SLC2A3: variants seen among roughly 807,000 people sequenced by gnomAD.
SLC2A3 encodes solute carrier family 2 member 3.
SLC2A3 carries 21 observed loss-of-function variants against 46.4 expected under a neutral mutation model. The observed-to-expected ratio is 0.45, with a 90% CI of 0.32 to 0.65. SLC2A3 has a LOEUF of 0.65. Ranked by LOEUF, SLC2A3 falls within the 30% of genes least tolerant of loss-of-function variation. SLC2A3 has a pLI of 0.04. For missense variants in SLC2A3, 499 were observed against 623.3 expected (o/e 0.80, Z 2.12); for synonymous variants, 213 against 239.4 (o/e 0.89, Z 1.02).
In SLC2A3 at chr12:7,928,024, T is replaced by C. The variant is rs1184470181; in HGVS notation, c.861+1660A>G. Among the ~76,000 whole-genome samples, 2 of 152,028 alleles carry C rather than the reference T, an allele frequency of 1.3e-5. 1 individual carries two copies. The highest frequency in any genetic ancestry group is 2.9e-5 in the Non-Finnish European group (2 of 68,006). ...GGGAGTCTGAGGCAGGAGAATCATT[T>C]GAACCCAGGAGATGGAGGTTGTGGT... On this transcript the variant is annotated intron_variant, in intron 6 of 9. Coordinates refer to ENST00000075120, the MANE Select transcript of SLC2A3 (RefSeq NM_006931.3).
Position 7,931,445 on chromosome 12 carries a change from C to T in SLC2A3, c.310G>A (p.Gly104Ser). The T allele has an allele frequency of 2.5e-6, 4 of 1,614,172 alleles. No homozygotes were observed. Among genetic ancestry groups the T allele is most frequent in the African/African-American group, 1.3e-5 (1 of 75,038 alleles). ...MLIVNLLAVTGGCFMGLCKVA... is the reference protein window; with the variant it reads ...MLIVNLLAVTSGCFMGLCKVA... ...TTACACAGTCCCATAAAGCAGCCAC[C>T]AGTGACAGCCAACAGGTTGACAATC... The change falls in exon 4 of 10, where the codon GGT (glycine) becomes AGT (serine). Residue 104 changes from glycine (G) to serine (S), a missense_variant. Physicochemically the swap from Gly to Ser is moderately conservative, Grantham distance 56. Coordinates refer to ENST00000075120, the MANE Select transcript of SLC2A3 (RefSeq NM_006931.3).
chr12:7,923,043 G>C lies in SLC2A3; in HGVS notation c.1069-19C>G, dbSNP rs758656724. 3.1e-6 allele frequency: 5 copies of C among 1,600,040 alleles called. No homozygotes were observed. Among genetic ancestry groups the C allele is most frequent in the Non-Finnish European group, 4.3e-6 (5 of 1,173,362 alleles). On this transcript the variant is annotated intron_variant, in intron 8 of 9. Transcript: ENST00000075120. ...AGTTATCCTGTAAGAGCAAGGAACA[G>C]AGAAAATTAAATTTAAAGACAGTGT... is the stretch of plus-strand genomic sequence containing the variant.
intron 9 of SLC2A3, 61 bp downstream of exon 9, chr12:7,922,760 T>C: frequency 7.5e-6 from 12 of 1,605,980 alleles, no homozygotes; most frequent in Non-Finnish European, 9.4e-6. Flanking sequence ...ACTGTATTAT[T>C]AAGGAGTATC....
intron 1 of SLC2A3, among the ~76,000 whole-genome samples, 167 bp downstream of exon 1, chr12:7,935,851 CAA>C (rs1475650408): frequency 1.3e-5 from 2 of 152,026 alleles, no homozygotes; most frequent in African/African-American, 4.8e-5. Context: ...GTATGACATT[CAA>C]AGAGAACTGA....
At chr12:7,932,126 C>T (rs1322740015) in intron 3 of SLC2A3, among the ~76,000 whole-genome samples, 1 of 151,502 alleles carries the variant, frequency 6.6e-6, no homozygotes, top group African/African-American at 2.4e-5. Flanking sequence ...GTTATCTGCC[C>T]GCCTCAGCCT....
At position 7,922,911 on chromosome 12, in the gene SLC2A3, G is replaced by A. The variant is rs1946053904; in HGVS notation, c.1182C>T (p.Ser394=). ...IPWFIVAELF[S]QGPRPAAMAV... The stretch of plus-strand genomic sequence containing the variant: ...CCATCGCAGCTGGGCGGGGGCCCTG[G>A]CTGAAGAGTTCGGCCACAATAAACC... The change falls in exon 9 of 10, where the codon AGC becomes AGT. Residue 394 remains serine, a synonymous_variant. Coordinates refer to ENST00000075120, the MANE Select transcript of SLC2A3 (RefSeq NM_006931.3). The A allele has an allele frequency of 1.2e-6, 2 of 1,614,166 alleles. No individual in the cohort carries two copies. The highest frequency in any genetic ancestry group is 2.7e-5 in the African/African-American group (2 of 75,050).
chr12:7,924,060 G>A (rs752610334), intron 8 of SLC2A3, among the ~76,000 whole-genome samples: 4 of 152,018 alleles, frequency 2.6e-5, no homozygotes, highest in South Asian at 2.1e-4. Context: ...GAGCCACCGC[G>A]CCCAGCTGAG....
intron 5 of SLC2A3, 118 bp from the exon 6 acceptor site, chr12:7,929,989 CTTTT>C (rs375573140): frequency 5.7e-6 from 7 of 1,230,736 alleles, no homozygotes; most frequent in African/African-American, 3.2e-5. Flanking sequence ...GCATCCATTC[CTTTT>C]TTTTTTTTTG....
intron 6 of SLC2A3, among the ~76,000 whole-genome samples, chr12:7,929,031 G>A (rs1200460213): frequency 6.6e-6 from 1 of 151,876 alleles, no homozygotes; most frequent in Non-Finnish European, 1.5e-5. Context: ...AAATATCCTG[G>A]TGTGCTAGGT....
At chr12:7,931,608 T>C in intron 3 of SLC2A3, 123 bp from the exon 4 acceptor site, 2 of 1,418,148 alleles carry the variant, frequency 1.4e-6, no homozygotes, top group Middle Eastern at 1.8e-4. Flanking sequence ...AATCTAACTT[T>C]TGTTTTTCAC....
In SLC2A3 at chr12:7,921,290, G is replaced by A. The variant is rs1422841975; in HGVS notation, c.*123C>T. ...CCTTGGGGTGCTCATGGAGTGCGTG[G>A]GATGAGAAAGGAATTAAGTAGCAGC... On this transcript the variant is annotated 3_prime_UTR_variant, in exon 10 of 10. Coordinates refer to ENST00000075120, the MANE Select transcript of SLC2A3 (RefSeq NM_006931.3). The A allele has an allele frequency of 3.2e-6, 5 of 1,558,226 alleles. No individual in the cohort carries two copies. The highest frequency in any genetic ancestry group is 4.3e-6 in the Non-Finnish European group (5 of 1,151,322).
intron 8 of SLC2A3, 153 bp from the exon 9 acceptor site, chr12:7,923,177 TTTA>T (rs1326220230): frequency 6.2e-6 from 5 of 806,872 alleles, no homozygotes; most frequent in Non-Finnish European, 9.7e-6. Context: ...TATTTTTATT[TTTA>T]TTTTTTGAGA....
chr12:7,926,321 C>T (rs765935921), intron 6 of SLC2A3, among the ~76,000 whole-genome samples: 1 of 152,164 alleles, frequency 6.6e-6, no homozygotes, highest in East Asian at 1.9e-4. Context: ...GTACTCCTGA[C>T]CTCAAGTGAC....
chr12:7,923,102 G>T, intron 8 of SLC2A3, 78 bp from the exon 9 acceptor site: 1 of 1,337,738 alleles, frequency 7.5e-7, no homozygotes, highest in South Asian at 1.4e-5. Flanking sequence ...AGCAATTAAC[G>T]GCAAGCTCCT....
chr12:7,929,775 A>G lies in SLC2A3; in HGVS notation c.770T>C (p.Val257Ala), dbSNP rs536536897. 1 of 1,613,728 alleles carries G rather than the reference A, an allele frequency of 6.2e-7. No individual in the cohort carries two copies. The highest frequency in any genetic ancestry group is 8.5e-7 in the Non-Finnish European group (1 of 1,179,716). ...GCTGGACACTCTAAAGAGCTCTAGC[A>G]CGGTGACTTGCTTTTCTTGTGACAT... ...ARMSQEKQVT[V>A]LELFRVSSYR... The change falls in exon 6 of 10, where the codon GTG becomes GCG. Residue 257 changes from valine (V) to alanine (A), a missense_variant. Physicochemically the swap from Val to Ala is moderately conservative, Grantham distance 64. This residue lies in a region of SLC2A3 where 65 missense variants were observed against 88.4 expected (regional missense o/e 0.74). Coordinates refer to ENST00000075120, the MANE Select transcript of SLC2A3 (RefSeq NM_006931.3).
At chr12:7,931,598 A>G (rs1428119259) in intron 3 of SLC2A3, 113 bp from the exon 4 acceptor site, 13 of 1,429,452 alleles carry the variant, frequency 9.1e-6, no homozygotes, top group Non-Finnish European at 1.2e-5. Context: ...TTTTTTTTTT[A>G]ATCTAACTTT....
chr12:7,927,238 T>C (rs1946105207), intron 6 of SLC2A3, among the ~76,000 whole-genome samples: 1 of 152,186 alleles, frequency 6.6e-6, no homozygotes, highest in East Asian at 1.9e-4. Flanking sequence ...TAATTAACAC[T>C]GTTAAGAAAT....
chr12:7,925,797 G>A lies in SLC2A3; in HGVS notation c.966+47C>T. 3 of 1,403,372 alleles carry A rather than the reference G, an allele frequency of 2.1e-6. No individual in the cohort carries two copies. In the South Asian group the frequency reaches 3.5e-5, roughly 16 times the overall value. The allele number at this position is 1,403,372 out of a possible 1,614,324, so 86.9% of individuals were successfully genotyped here. ...TGCAATCCATCTTTGAACATCTGTA[G>A]CAAGGATTCTTTTCTCCCCTCAAAA... On this transcript the variant is annotated intron_variant, in intron 7 of 9. Coordinates refer to ENST00000075120, the MANE Select transcript of SLC2A3 (RefSeq NM_006931.3).
In SLC2A3 at chr12:7,921,434, C is replaced by T; in HGVS notation, c.1470G>A (p.Lys490=). The T allele has an allele frequency of 6.2e-7, 1 of 1,614,038 alleles. No individual in the cohort carries two copies. Among genetic ancestry groups the T allele is most frequent in the East Asian group, 2.2e-5 (1 of 44,880 alleles). The part of the protein sequence containing the change: ...VMEMNSIEPA[K]ETTTNV The stretch of plus-strand genomic sequence containing the variant: ...CGACTTAGACATTGGTGGTGGTCTC[C>T]TTAGCAGGCTCGATGCTGTTCATCT... Residue 490 remains lysine, a synonymous_variant, in exon 10 of 10, where the codon AAG becomes AAA. Transcript: ENST00000075120.
Sources: gnomAD v4.1 joint callset for allele counts (sites outside exome capture counted in the v4.1 genomes callset) on GRCh38, gnomAD v4.1.1 for gene constraint, gnomAD v4.1.1 regional missense constraint, MANE v1.5 for transcripts, NCBI Gene and HGNC (gene_info 2026-07-23, HGNC 2026-07-21) for gene names.